Variants in FLCN observed in about 807,000 individuals in gnomAD.
FLCN encodes BHD skin lesion fibrofolliculoma protein.
FLCN carries 22 observed loss-of-function variants against 62.5 expected under a neutral mutation model. The observed-to-expected ratio is 0.35, with a 90% confidence interval of 0.25 to 0.50. The LOEUF (loss-of-function observed/expected upper bound fraction) is 0.50. FLCN is among the 20% of genes least tolerant of loss of function. The pLI is 0.97. For missense variants in FLCN, 657 were observed against 778.0 expected, an observed-to-expected ratio of 0.84 and a Z score of 1.85; for synonymous variants, 319 against 310.0, an observed-to-expected ratio of 1.03 and a Z score of -0.30.
rs41462849 is a variant in FLCN, at chr17:17,221,333, T to C, written c.871+204A>G. 3.0e-3 allele frequency: 4,715 copies of C among 1,563,416 alleles called. 10 individuals are homozygous for C. Among genetic ancestry groups the C allele is most frequent in the Non-Finnish European group, 3.8e-3 (4,400 of 1,154,106 alleles). On this transcript the variant is annotated intron_variant, in intron 8 of 13. Transcript: ENST00000285071. ...TAGCTGGGGAACAGATTCTTTCACA[T>C]GGCGGTCAAGGCAAACGAGACAGGA... is the stretch of plus-strand genomic sequence containing the variant.
intron 5 of FLCN, chr17:17,225,090 A>G (rs1473862952): frequency 6.6e-6 from 1 of 152,312 alleles, no homozygotes; most frequent in African/African-American, 2.4e-5. Context: ...TCTTTGTAAC[A>G]AAGACCTGAG....
At chr17:17,236,654 C>T (rs940811080) in intron 1 of FLCN, among the ~76,000 whole-genome samples, 1 of 152,136 alleles carries the variant, frequency 6.6e-6, no homozygotes, top group Non-Finnish European at 1.5e-5. Context: ...TGACACACAC[C>T]CTCTCCTCCA....
At chr17:17,221,152 T>C in intron 8 of FLCN, 1 of 1,423,682 alleles carries the variant, frequency 7.0e-7, no homozygotes, top group Non-Finnish European at 9.2e-7. Context: ...CTGCCCTTCA[T>C]GGAAAACTTG....
In FLCN at chr17:17,212,447, T is replaced by C. The variant is rs2046788802; in HGVS notation, c.*1208A>G. The stretch of plus-strand genomic sequence containing the variant: ...TGAACTCAGGAGTTCAAGACCAGCC[T>C]GGACGACATAGCAAGATGCCATCTC... On this transcript the variant is annotated 3_prime_UTR_variant, in exon 14 of 14. Coordinates refer to ENST00000285071, the MANE Select transcript of FLCN (RefSeq NM_144997.7). 1 of 140,374 alleles carries C rather than the reference T, an allele frequency of 7.1e-6. No individual in the cohort carries two copies. Among genetic ancestry groups the C allele is most frequent in the Non-Finnish European group, 1.4e-5 (1 of 70,364 alleles). The allele number at this position is 140,374 out of a possible 1,614,324, so 8.7% of individuals were successfully genotyped here. A position where few individuals can be genotyped will look rare whatever the true frequency, so the allele number is the denominator to read the frequency against.
chr17:17,224,388 C>T, intron 5 of FLCN: 1 of 557,778 alleles, frequency 1.8e-6, no homozygotes, highest in East Asian at 3.1e-5. Context: ...TTTTCTTCCA[C>T]CTTGAGCCAT....
At position 17,213,551 on chromosome 17, in the gene FLCN, C is replaced by T; in HGVS notation, c.*104G>A. On this transcript the variant is annotated 3_prime_UTR_variant, in exon 14 of 14. Coordinates refer to ENST00000285071, the MANE Select transcript of FLCN (RefSeq NM_144997.7). The stretch of plus-strand genomic sequence containing the variant: ...ATGGTTTCCCTTCCTTGCTGGGACA[C>T]AGCTCCTTCCAGCAGTTGAGAAACT... 1.3e-6 allele frequency: 2 copies of T among 1,490,970 alleles called. No homozygotes were observed. Among genetic ancestry groups the T allele is most frequent in the Admixed American group, 1.8e-5 (1 of 56,924 alleles). 92.4% of individuals were successfully genotyped at this position (1,490,970 alleles called of 1,614,324 possible).
At chr17:17,230,024 G>C (rs1023170183) in intron 3 of FLCN, among the ~76,000 whole-genome samples, 1 of 152,190 alleles carries the variant, frequency 6.6e-6, no homozygotes, top group Non-Finnish European at 1.5e-5. Flanking sequence ...GCCAGAGAAG[G>C]CTTTAAAATG....
chr17:17,234,355 C>G (rs1489165913), intron 1 of FLCN, among the ~76,000 whole-genome samples: 1 of 151,292 alleles, frequency 6.6e-6, no homozygotes, highest in Non-Finnish European at 1.5e-5. Context: ...GGAATTATGG[C>G]CGTGCGCCAC....
chr17:17,217,246 T>A (rs1315955192), intron 9 of FLCN, 64 bp from the exon 10 acceptor site: 9 of 1,079,510 alleles, frequency 8.3e-6, no homozygotes, highest in Middle Eastern at 2.0e-4. Context: ...TCCCTTCCCA[T>A]GAAGTTATTT....
In FLCN at chr17:17,222,545, T is replaced by C. The variant is rs150175875; in HGVS notation, c.735A>G (p.Thr245=). 78 of 1,614,110 alleles carry C rather than the reference T, an allele frequency of 4.8e-5. No individual in the cohort carries two copies. Among genetic ancestry groups the C allele is most frequent in the Non-Finnish European group, 6.4e-5 (75 of 1,180,038 alleles). ...GGCACGCCCACAGGTTGTCATCACTTGTCAGCGATGTCAGCGAGCGGGCGG... is the reference window on the plus strand; with the variant it reads ...GGCACGCCCACAGGTTGTCATCACTCGTCAGCGATGTCAGCGAGCGGGCGG... ...GNAARSLTSL[T]SDDNLWACLH... is the part of the protein sequence containing the mutation. The change falls in exon 7 of 14, where the codon ACA becomes ACG. Residue 245 remains threonine (T), a synonymous_variant. Coordinates refer to ENST00000285071, the MANE Select transcript of FLCN (RefSeq NM_144997.7).
At chr17:17,235,269 A>G (rs908354137) in intron 1 of FLCN, among the ~76,000 whole-genome samples, 3 of 150,546 alleles carry the variant, frequency 2.0e-5, no homozygotes, top group African/African-American at 4.9e-5. Flanking sequence ...AATAAGAGTA[A>G]AACTCCATTT....
At chr17:17,229,234 G>A (rs2047349591) in intron 3 of FLCN, 1 of 152,518 alleles carries the variant, frequency 6.6e-6, no homozygotes, top group Admixed American at 6.5e-5. Flanking sequence ...TGTAGACTCA[G>A]AGGTGGAGAA....
chr17:17,217,226 G>A, intron 9 of FLCN, 44 bp from the exon 10 acceptor site: 1 of 1,299,016 alleles, frequency 7.7e-7, no homozygotes, highest in Non-Finnish European at 1.1e-6. Flanking sequence ...TAGTAGAAAT[G>A]GTTTTTCTCT....
rs1359372865 is a variant in FLCN, at chr17:17,215,863, G to A, written c.1300+517C>T. 2.6e-5 allele frequency among the ~76,000 whole-genome samples: 4 copies of A among 152,174 alleles called. No individual in the cohort carries two copies. In the East Asian group the frequency reaches 7.7e-4, roughly 29 times the overall value. The stretch of plus-strand genomic sequence containing the variant: ...GGGGAAGTCACTGATGAGCCTGGGG[G>A]GCTGATCCCTGGACATCCCCAAACC... On this transcript the variant is annotated intron_variant, in intron 11 of 13. Coordinates refer to ENST00000285071, the MANE Select transcript of FLCN (RefSeq NM_144997.7).
intron 9 of FLCN, among the ~76,000 whole-genome samples, chr17:17,218,673 G>A (rs557235453): frequency 1.3e-5 from 2 of 152,216 alleles, no homozygotes; most frequent in South Asian, 2.1e-4. Flanking sequence ...GAGCCACCAC[G>A]CCCAGCCAGA....
At chr17:17,231,213 T>C (rs2047412134) in intron 3 of FLCN, among the ~76,000 whole-genome samples, 1 of 152,082 alleles carries the variant, frequency 6.6e-6, no homozygotes, top group Admixed American at 6.6e-5. Context: ...AAATAATGAA[T>C]TAATTAATTA....
chr17:17,214,551 G>T (rs1023625765), intron 13 of FLCN, among the ~76,000 whole-genome samples: 1 of 152,106 alleles, frequency 6.6e-6, no homozygotes, highest in Non-Finnish European at 1.5e-5. Context: ...CCAAGATCAT[G>T]CCATTGCACT....
intron 13 of FLCN, 27 bp from the exon 14 acceptor site, chr17:17,213,883 AG>A: frequency 6.2e-7 from 1 of 1,612,494 alleles, no homozygotes; most frequent in Non-Finnish European, 8.5e-7. Context: ...CAAAACACTC[AG>A]ACACCACAGC....
chr17:17,223,785 A>T (rs1012797126), intron 6 of FLCN, 137 bp downstream of exon 6: 1 of 881,842 alleles, frequency 1.1e-6, no homozygotes, highest in Non-Finnish European at 1.8e-6. Context: ...TGAAGCCAAG[A>T]GACTACAATT....
Sources: gnomAD v4.1 joint callset for allele counts (sites outside exome capture counted in the v4.1 genomes callset) on GRCh38, gnomAD v4.1.1 for gene constraint, MANE v1.5 for transcripts, NCBI Gene and HGNC (gene_info 2026-07-23, HGNC 2026-07-21) for gene names.